The following NNT variants were observed in gnomAD, a reference collection of about 807,000 sequenced individuals.
NNT encodes nicotinamide nucleotide transhydrogenase.
NNT carries 50 observed loss-of-function variants against 104.8 expected under a neutral mutation model. The ratio of observed to expected loss-of-function variants is 0.48; its 90% CI spans 0.38 to 0.60. The LOEUF (loss-of-function observed/expected upper bound fraction) is 0.60, where lower values mean the gene tolerates loss of function less well. Among genes scored for constraint, NNT ranks in the 20% least tolerant of loss-of-function variants. NNT has a pLI of 0.00. For synonymous variants in NNT, 461 were observed against 490.4 expected (o/e 0.94, Z 0.79); for missense variants, 1,131 against 1,330.7 (o/e 0.85, Z 2.33).
At chr5:43,629,132 T>C (rs1233706933) in intron 7 of NNT, among the ~76,000 whole-genome samples, 3 of 152,112 alleles carry the variant, frequency 2.0e-5, no homozygotes, top group Admixed American at 2.0e-4. Flanking sequence ...GTACACAATG[T>C]TTAGTCTTTT....
intron 4 of NNT, among the ~76,000 whole-genome samples, chr5:43,617,197 T>C (rs1749836229): frequency 6.6e-6 from 1 of 152,212 alleles, no homozygotes; most frequent in South Asian, 2.1e-4. Flanking sequence ...TGCTGTTGAT[T>C]CTGAAATACA....
At chr5:43,642,881 C>G (rs576924698) in intron 7 of NNT, among the ~76,000 whole-genome samples, 3 of 151,574 alleles carry the variant, frequency 2.0e-5, no homozygotes, top group African/African-American at 7.3e-5. Flanking sequence ...TTCAGAAGAA[C>G]TAAAGATAAT....
intron 7 of NNT, among the ~76,000 whole-genome samples, chr5:43,633,447 G>T (rs1750784313): frequency 6.6e-6 from 1 of 152,134 alleles, no homozygotes; most frequent in Non-Finnish European, 1.5e-5. Context: ...TACTATCCTT[G>T]CCCTTCCCTG....
chr5:43,627,328 C>T lies in NNT; in HGVS notation c.777-872C>T, dbSNP rs572641154. 4.6e-5 allele frequency among the ~76,000 whole-genome samples: 7 copies of T among 152,324 alleles called. No homozygotes were observed. The East Asian group carries it at 1.4e-3, about 29-fold the overall frequency. On this transcript the variant is annotated intron_variant, in intron 6 of 21. Coordinates refer to ENST00000344920, the MANE Select transcript of NNT (RefSeq NM_182977.3). ...GCTAGGGATTTATTGGCTCAGATCA[C>T]GGTTTCCCAAACTTCCCTGATGACA... is the stretch of plus-strand genomic sequence containing the variant.
chr5:43,625,879 G>A (rs1273309645), intron 6 of NNT, among the ~76,000 whole-genome samples: 2 of 149,904 alleles, frequency 1.3e-5, no homozygotes, highest in African/African-American at 4.9e-5. Flanking sequence ...TTTTTTATGT[G>A]TTTCCTCATC....
intron 1 of NNT, 73 bp downstream of exon 1, chr5:43,603,367 G>C (rs1323529256): frequency 6.5e-6 from 1 of 152,846 alleles, no homozygotes; most frequent in African/African-American, 2.4e-5. Flanking sequence ...AAGGGGCTCG[G>C]GCCTTTCCTG....
At chr5:43,665,936 G>T (rs547333902) in intron 17 of NNT, among the ~76,000 whole-genome samples, 3 of 151,002 alleles carry the variant, frequency 2.0e-5, no homozygotes, top group African/African-American at 4.9e-5. Flanking sequence ...GGGCAAAGAC[G>T]CTCCTCAGTT....
intron 3 of NNT, among the ~76,000 whole-genome samples, chr5:43,615,030 G>T (rs941573822): frequency 6.6e-6 from 1 of 151,738 alleles, no homozygotes; most frequent in African/African-American, 2.4e-5. Flanking sequence ...CCAGCTACTC[G>T]GGAGGCTGAG....
At chr5:43,698,383 C>A (rs1053064285) in intron 19 of NNT, among the ~76,000 whole-genome samples, 12 of 151,908 alleles carry the variant, frequency 7.9e-5, no homozygotes, top group African/African-American at 2.7e-4. Context: ...TCTCATATCT[C>A]AAAGATGTTC....
chr5:43,667,279 T>A, intron 17 of NNT: 1 of 703,174 alleles, frequency 1.4e-6, no homozygotes, highest in South Asian at 1.6e-5. Context: ...AACCCTATTT[T>A]TTATTATTAT....
At chr5:43,650,965 T>G (rs1035675829) in intron 12 of NNT, among the ~76,000 whole-genome samples, 1 of 152,250 alleles carries the variant, frequency 6.6e-6, no homozygotes, top group Non-Finnish European at 1.5e-5. Context: ...ACTGAAAGCC[T>G]AGCACATCAC....
intron 11 of NNT, 67 bp downstream of exon 11, chr5:43,649,375 T>G: frequency 6.5e-7 from 1 of 1,540,652 alleles, no homozygotes; most frequent in Non-Finnish European, 8.9e-7. Flanking sequence ...AGGAGGACTA[T>G]CAATGCCGTT....
In NNT at chr5:43,619,022, A is replaced by G. The variant is rs1330725254; in HGVS notation, c.600-10A>G. The G allele has an allele frequency of 4.3e-6, 6 of 1,407,144 alleles. No homozygotes were observed. In the East Asian group the frequency reaches 7.6e-5, roughly 18 times the overall value. The allele number at this position is 1,407,144 out of a possible 1,614,324, so 87.2% of individuals were successfully genotyped here. On this transcript the variant is annotated splice_polypyrimidine_tract_variant and intron_variant, in intron 4 of 21. Transcript: ENST00000344920. ...GAATTATTTATTTATTTATTTATTT[A>G]TTTTTAAAGTTATAAGGCTGTTGTC...
At chr5:43,621,758 G>C (rs1750109512) in intron 5 of NNT, among the ~76,000 whole-genome samples, 1 of 152,146 alleles carries the variant, frequency 6.6e-6, no homozygotes, top group Non-Finnish European at 1.5e-5. Context: ...GACAGTAATG[G>C]GCACAGGCCA....
chr5:43,661,789 T>C (rs948048839), intron 17 of NNT, among the ~76,000 whole-genome samples: 9 of 152,052 alleles, frequency 5.9e-5, no homozygotes, highest in Non-Finnish European at 1.3e-4. Flanking sequence ...ATGTGCCACA[T>C]TTTCTTAATC....
At chr5:43,687,720 T>C (rs941149355) in intron 19 of NNT, among the ~76,000 whole-genome samples, 1 of 152,220 alleles carries the variant, frequency 6.6e-6, no homozygotes, top group African/African-American at 2.4e-5. Context: ...TTTGGGATAT[T>C]AGGCATAACA....
chr5:43,635,087 CT>C (rs1750864842), intron 7 of NNT, among the ~76,000 whole-genome samples: 2 of 152,188 alleles, frequency 1.3e-5, no homozygotes, highest in African/African-American at 4.8e-5. Flanking sequence ...ATTGCTGTAT[CT>C]CCTTCCTTCC....
intron 1 of NNT, among the ~76,000 whole-genome samples, chr5:43,605,107 C>T (rs1749136574): frequency 1.3e-5 from 2 of 152,216 alleles, no homozygotes; most frequent in African/African-American, 4.8e-5. Flanking sequence ...TCTTAAATAT[C>T]TGTGGTATCC....
At chr5:43,627,114 T>C (rs974898722) in intron 6 of NNT, among the ~76,000 whole-genome samples, 3 of 152,204 alleles carry the variant, frequency 2.0e-5, no homozygotes, top group South Asian at 4.1e-4. Flanking sequence ...GACCAGTTTC[T>C]GTCACTCCTC....
Sources: allele counts gnomAD v4.1 joint callset (sites outside exome capture counted in the v4.1 genomes callset), GRCh38; gene constraint gnomAD v4.1.1; transcripts MANE v1.5; gene names NCBI Gene and HGNC (gene_info 2026-07-23, HGNC 2026-07-21).